The following PTPRT variants were observed in gnomAD, a reference collection of about 807,000 sequenced individuals.
The protein encoded by PTPRT is receptor-type tyrosine-protein phosphatase T.
PTPRT carries 56 observed loss-of-function variants against 176.8 expected under a neutral mutation model. The ratio of observed to expected loss-of-function variants is 0.32; its 90% CI spans 0.26 to 0.40. The LOEUF is 0.40. PTPRT is among the 10% of genes least tolerant of loss of function. The pLI is 1.00. For missense variants in PTPRT, 1,540 were observed against 1,908.2 expected, an observed-to-expected ratio of 0.81 and a Z score of 3.60; for synonymous variants, 783 against 739.0, an observed-to-expected ratio of 1.06 and a Z score of -0.96.
At chr20:42,336,457 G>C (rs1236484102) in intron 11 of PTPRT, among the ~76,000 whole-genome samples, 1 of 152,142 alleles carries the variant, frequency 6.6e-6, no homozygotes, top group East Asian at 1.9e-4. Context: ...TGGTGGTGTT[G>C]GGAATGGTTG....
At chr20:42,512,105 A>G (rs964953589) in intron 7 of PTPRT, among the ~76,000 whole-genome samples, 1 of 152,150 alleles carries the variant, frequency 6.6e-6, no homozygotes, top group Non-Finnish European at 1.5e-5. Flanking sequence ...TTAAACATAT[A>G]TAAGTAAATG....
In PTPRT at chr20:42,645,620, G is replaced by A. The variant is rs148824298; in HGVS notation, c.1153+32246C>T. ...GGAAATATGGGCTGTAAAATACCAC[G>A]GAGAGTCAGAGTAAGTACAGGCGGC... is the stretch of plus-strand genomic sequence containing the variant. On this transcript the variant is annotated intron_variant, in intron 7 of 30. Transcript: ENST00000373187. 2.5e-3 allele frequency among the ~76,000 whole-genome samples: 383 copies of A among 152,132 alleles called. 3 individuals carry two copies. Among genetic ancestry groups the A allele is most frequent in the African/African-American group, 8.8e-3 (363 of 41,484 alleles).
chr20:42,619,794 G>A (rs2074153237), intron 7 of PTPRT, among the ~76,000 whole-genome samples: 1 of 129,384 alleles, frequency 7.7e-6, no homozygotes, highest in Admixed American at 7.3e-5. Context: ...AGCTCCATCA[G>A]CTCCTTTAAG....
intron 7 of PTPRT, among the ~76,000 whole-genome samples, chr20:42,480,947 T>G (rs190531025): frequency 6.6e-6 from 1 of 151,812 alleles, no homozygotes; most frequent in African/African-American, 2.4e-5. Flanking sequence ...GTCCCAGCAA[T>G]AGATGAATCA....
chr20:42,809,731 C>A (rs1257097229), intron 2 of PTPRT, among the ~76,000 whole-genome samples: 1 of 152,168 alleles, frequency 6.6e-6, no homozygotes, highest in Non-Finnish European at 1.5e-5. Flanking sequence ...TCATGCCTCG[C>A]ATTTCAAATC....
intron 1 of PTPRT, among the ~76,000 whole-genome samples, chr20:43,186,396 C>G (rs2015392211): frequency 6.6e-6 from 1 of 152,150 alleles, no homozygotes; most frequent in Admixed American, 6.5e-5. Context: ...TCTTCACCAT[C>G]ATCAGTAAAT....
chr20:42,736,040 G>T (rs1460823119), intron 6 of PTPRT, among the ~76,000 whole-genome samples: 1 of 152,174 alleles, frequency 6.6e-6, no homozygotes, highest in Non-Finnish European at 1.5e-5. Context: ...TCATGGGAGT[G>T]CCACCAACTG....
At chr20:42,255,124 T>A (rs540864071) in intron 13 of PTPRT, among the ~76,000 whole-genome samples, 1 of 152,172 alleles carries the variant, frequency 6.6e-6, no homozygotes, top group Non-Finnish European at 1.5e-5. Context: ...AGACTTCTTA[T>A]GCCCCTTTTG....
chr20:43,033,614 A>C (rs529684679), intron 1 of PTPRT, among the ~76,000 whole-genome samples: 1 of 152,320 alleles, frequency 6.6e-6, no homozygotes, highest in East Asian at 1.9e-4. Context: ...CTATTACCAT[A>C]ATAATGAAAA....
intron 11 of PTPRT, among the ~76,000 whole-genome samples, chr20:42,334,083 T>A (rs1211788458): frequency 6.6e-6 from 1 of 151,986 alleles, no homozygotes; most frequent in Non-Finnish European, 1.5e-5. Flanking sequence ...TGTAAAGGGG[T>A]CTTCAAATTT....
intron 1 of PTPRT, among the ~76,000 whole-genome samples, chr20:43,159,835 G>A (rs115065284): frequency 0.021 from 3,225 of 151,812 alleles, 129 homozygotes; most frequent in African/African-American, 0.074. Context: ...GCTGTTTTTC[G>A]CCCCGACCAT....
chr20:42,242,855 G>T (rs979684989), intron 14 of PTPRT, among the ~76,000 whole-genome samples: 5 of 152,032 alleles, frequency 3.3e-5, no homozygotes, highest in Non-Finnish European at 7.4e-5. Flanking sequence ...GCCATTGAAG[G>T]GTTTCAGATG....
intron 7 of PTPRT, among the ~76,000 whole-genome samples, chr20:42,512,230 A>T (rs988804016): frequency 3.3e-5 from 5 of 152,184 alleles, no homozygotes; most frequent in African/African-American, 1.2e-4. Context: ...AGGATACAGC[A>T]TGGTTTCATC....
chr20:42,811,155 T>G (rs1323351983), intron 2 of PTPRT, among the ~76,000 whole-genome samples: 1 of 152,220 alleles, frequency 6.6e-6, no homozygotes, highest in Non-Finnish European at 1.5e-5. Flanking sequence ...CATATTCATT[T>G]TGAGGAATTC....
intron 1 of PTPRT, among the ~76,000 whole-genome samples, chr20:43,118,671 C>T (rs2013146982): frequency 6.6e-6 from 1 of 152,100 alleles, no homozygotes; most frequent in Non-Finnish European, 1.5e-5. Context: ...GTCTCCTGAC[C>T]TCGTGATCCA....
Position 42,677,951 on chromosome 20 carries a change from A to G in PTPRT, c.1068T>C (p.Tyr356=). Residue 356 remains tyrosine (Y), a synonymous_variant, in exon 7 of 31, where the codon TAT becomes TAC. Coordinates refer to ENST00000373187, the MANE Select transcript of PTPRT (RefSeq NM_007050.6). ...GTCGTGTGAGGAGCACTCGGATCTCATACTCAACATCGGGGTCCAGATGCC... is the reference window on the plus strand; with the variant it reads ...GTCGTGTGAGGAGCACTCGGATCTCGTACTCAACATCGGGGTCCAGATGCC... ...KLWHLDPDVE[Y]EIRVLLTRPG... is the part of the protein sequence containing the mutation. 2 of 1,614,144 alleles carry G rather than the reference A, an allele frequency of 1.2e-6. No homozygotes were observed. The highest frequency in any genetic ancestry group is 1.7e-5 in the Admixed American group (1 of 60,024).
intron 15 of PTPRT, among the ~76,000 whole-genome samples, chr20:42,217,730 T>C (rs1304260507): frequency 6.6e-6 from 1 of 152,160 alleles, no homozygotes; most frequent in African/African-American, 2.4e-5. Flanking sequence ...TAGATGCCAG[T>C]AGTTCCCCCT....
chr20:42,529,676 T>G (rs1049601366), intron 7 of PTPRT, among the ~76,000 whole-genome samples: 3 of 151,700 alleles, frequency 2.0e-5, no homozygotes, highest in Non-Finnish European at 4.4e-5. Flanking sequence ...TTAGTAGAGA[T>G]GAGGTTTTTC....
At chr20:42,545,390 T>C (rs2072656845) in intron 7 of PTPRT, among the ~76,000 whole-genome samples, 1 of 152,190 alleles carries the variant, frequency 6.6e-6, no homozygotes, top group Non-Finnish European at 1.5e-5. Flanking sequence ...CTGACAGCAG[T>C]GTGTGCAGCC....
Sources: allele counts gnomAD v4.1 joint callset (sites outside exome capture counted in the v4.1 genomes callset), GRCh38; gene constraint gnomAD v4.1.1; transcripts MANE v1.5; gene names NCBI Gene and HGNC (gene_info 2026-07-23, HGNC 2026-07-21).